The following BCL2L13 variants were observed in gnomAD, a reference collection of about 807,000 sequenced individuals.
BCL2L13 encodes the protein BCL2 like 13, also known as bcl-2-like protein 13.
BCL2L13 carries 13 observed loss-of-function variants against 25.8 expected under a neutral mutation model. The ratio of observed to expected loss-of-function variants is 0.50; its 90% CI spans 0.33 to 0.80. BCL2L13 has a LOEUF of 0.80. Among genes scored for constraint, BCL2L13 ranks in the 30% least tolerant of loss-of-function variants. The probability of loss-of-function intolerance (pLI) is 0.02; values close to 1 mark genes in which losing one functional copy is unlikely to be tolerated. For synonymous variants in BCL2L13, 244 were observed against 230.3 expected (o/e 1.06, Z -0.54); for missense variants, 504 against 574.9 (o/e 0.88, Z 1.26).
chr22:17,726,087 C>T (rs1049646240), intron 6 of BCL2L13, among the ~76,000 whole-genome samples: 16 of 152,208 alleles, frequency 1.1e-4, no homozygotes, highest in Admixed American at 3.3e-4. Flanking sequence ...CAGTGGCTCA[C>T]GCCTGTAATC....
intron 2 of BCL2L13, among the ~76,000 whole-genome samples, chr22:17,668,015 A>AT (rs2059290338): frequency 3.1e-5 from 1 of 31,860 alleles, no homozygotes; most frequent in African/African-American, 1.5e-4. Flanking sequence ...GTAGTTGCCT[A>AT]TTCTTTTTTT....
In BCL2L13 at chr22:17,655,756, A is replaced by G. The variant is rs1263167909; in HGVS notation, c.45A>G (p.Thr15=). 3.1e-6 allele frequency: 5 copies of G among 1,613,776 alleles called. No homozygotes were observed. The highest frequency in any genetic ancestry group is 4.2e-6 in the Non-Finnish European group (5 of 1,179,848). The change falls in exon 2 of 7, where the codon ACA becomes ACG. Residue 15 remains threonine, a synonymous_variant. Coordinates refer to ENST00000317582, the MANE Select transcript of BCL2L13 (RefSeq NM_015367.4). ...STVPLGFHYE[T]KYVVLSYLGL... ...TGCCTCTGGGATTTCACTATGAAAC[A>G]AAGTATGTTGTTCTCAGCTACTTGG...
intron 3 of BCL2L13, chr22:17,684,782 G>T: frequency 2.9e-6 from 1 of 349,796 alleles, no homozygotes; most frequent in Admixed American, 3.8e-5. Flanking sequence ...GCCCAGGCTG[G>T]AGTGCGGTGG....
At chr22:17,679,222 C>G (rs2059660333) in intron 2 of BCL2L13, among the ~76,000 whole-genome samples, 1 of 149,842 alleles carries the variant, frequency 6.7e-6, no homozygotes, top group Non-Finnish European at 1.5e-5. Flanking sequence ...GGCCCATGTC[C>G]TGGGAATGTG....
At chr22:17,675,806 A>G (rs1040666283) in intron 2 of BCL2L13, among the ~76,000 whole-genome samples, 3 of 152,210 alleles carry the variant, frequency 2.0e-5, no homozygotes, top group Non-Finnish European at 4.4e-5. Flanking sequence ...AAATTTAAGC[A>G]ACACATATTA....
At chr22:17,683,010 A>G (rs1013885162) in intron 2 of BCL2L13, among the ~76,000 whole-genome samples, 2 of 152,134 alleles carry the variant, frequency 1.3e-5, no homozygotes, top group East Asian at 3.9e-4. Flanking sequence ...GCAGGCGCCT[A>G]TAATCCCAGT....
chr22:17,694,997 A>G (rs1231216204), intron 4 of BCL2L13, among the ~76,000 whole-genome samples: 1 of 152,160 alleles, frequency 6.6e-6, no homozygotes, highest in East Asian at 1.9e-4. Flanking sequence ...TCACGAGAGA[A>G]AAGTTCCTTT....
rs1170680448 is a variant in BCL2L13, at chr22:17,730,410, G to A, written c.*2876G>A. The A allele has an allele frequency of 6.6e-6, 1 of 152,092 alleles. No individual in the cohort carries two copies. Among genetic ancestry groups the A allele is most frequent in the Non-Finnish European group, 1.5e-5 (1 of 68,020 alleles). The allele number at this position is 152,092 out of a possible 1,614,324, so 9.4% of individuals were successfully genotyped here. A position where few individuals can be genotyped will look rare whatever the true frequency, so the allele number is the denominator to read the frequency against. On this transcript the variant is annotated 3_prime_UTR_variant, in exon 7 of 7. Transcript: ENST00000317582. The stretch of plus-strand genomic sequence containing the variant: ...ATGCAGCCACTACCTAACTAGGCTT[G>A]TCCTGGGGGAGTGAGCCGTGAACCT...
chr22:17,660,357 G>A (rs555296850), intron 2 of BCL2L13, among the ~76,000 whole-genome samples: 1 of 146,446 alleles, frequency 6.8e-6, no homozygotes, highest in African/African-American at 2.4e-5. Context: ...ACCAGTTGAG[G>A]AACTTATTTT....
At chr22:17,642,090 C>T (rs1365454467) in intron 1 of BCL2L13, among the ~76,000 whole-genome samples, 5 of 149,426 alleles carry the variant, frequency 3.3e-5, no homozygotes, top group Non-Finnish European at 5.9e-5. Flanking sequence ...TGTGCCACCG[C>T]GCCTGACCAA....
Position 17,730,321 on chromosome 22 carries a change from C to T in BCL2L13, c.*2787C>T, listed in dbSNP as rs574127567. On this transcript the variant is annotated 3_prime_UTR_variant, in exon 7 of 7. Coordinates refer to ENST00000317582, the MANE Select transcript of BCL2L13 (RefSeq NM_015367.4). The stretch of plus-strand genomic sequence containing the variant: ...GCAACTGTTGACCTTCTGGTTCACC[C>T]ATCTCCCCCTCGAGGCATTCTTGAT... 6.6e-6 allele frequency: 1 copy of T among 152,272 alleles called. No individual in the cohort carries two copies. Among genetic ancestry groups the T allele is most frequent in the South Asian group, 2.1e-4 (1 of 4,822 alleles). 9.4% of individuals were successfully genotyped at this position (152,272 alleles called of 1,614,324 possible).
intron 2 of BCL2L13, among the ~76,000 whole-genome samples, chr22:17,678,132 C>G (rs2059628437): frequency 6.6e-6 from 1 of 152,140 alleles, no homozygotes; most frequent in Admixed American, 6.5e-5. Flanking sequence ...AAGTGATCTT[C>G]ACACATCAGG....
At chr22:17,668,643 T>G (rs1195700798) in intron 2 of BCL2L13, among the ~76,000 whole-genome samples, 1 of 152,034 alleles carries the variant, frequency 6.6e-6, no homozygotes, top group Non-Finnish European at 1.5e-5. Context: ...ATTTTTGTAT[T>G]TTTAGTAGAG....
chr22:17,725,504 C>A (rs1334029841), intron 6 of BCL2L13, among the ~76,000 whole-genome samples: 2 of 152,220 alleles, frequency 1.3e-5, no homozygotes, highest in African/African-American at 4.8e-5. Context: ...CTTTCTCTGA[C>A]CTCTACCCAA....
rs2061380695 is a variant in BCL2L13 at position 17,730,441 on chromosome 22, C to T, written c.*2907C>T. The stretch of plus-strand genomic sequence containing the variant: ...GGGGAGTGAGCCGTGAACCTGGAGA[C>T]ATGGCTTTGACCCACAGCTACTGTT... On this transcript the variant is annotated 3_prime_UTR_variant, in exon 7 of 7. Transcript: ENST00000317582. 1 of 152,210 alleles carries T rather than the reference C, an allele frequency of 6.6e-6. No individual in the cohort carries two copies. The highest frequency in any genetic ancestry group is 2.1e-4 in the South Asian group (1 of 4,828). 9.4% of individuals were successfully genotyped at this position (152,210 alleles called of 1,614,324 possible).
chr22:17,722,378 G>GTGT (rs1491171137), intron 6 of BCL2L13, among the ~76,000 whole-genome samples: 1 of 122,144 alleles, frequency 8.2e-6, no homozygotes, highest in African/African-American at 4.1e-5. Context: ...AGACTACAGG[G>GTGT]GTGTGTGTGT....
rs151332092 is a variant in BCL2L13, at chr22:17,713,240, A to G, written c.600+10854A>G. Among the ~76,000 whole-genome samples the G allele has an allele frequency of 3.6e-3, 553 of 152,274 alleles. 9 individuals are homozygous for G. The highest frequency in any genetic ancestry group is 0.034 in the Admixed American group (514 of 15,308). The stretch of plus-strand genomic sequence containing the variant: ...ATAATCTTACATTTCTCTCTTCAAC[A>G]TAAGAATGTGACTATGAATTGATTA... On this transcript the variant is annotated intron_variant, in intron 6 of 6. Transcript: ENST00000317582.
rs1284074134 is a variant in BCL2L13 at position 17,685,760 on chromosome 22, C to CTTTTTCTTT, written c.229+2444_229+2445insCTTTTTTTT. 5.8e-3 allele frequency among the ~76,000 whole-genome samples: 349 copies of CTTTTTCTTT among 60,678 alleles called. 21 individuals carry two copies. The highest frequency in any genetic ancestry group is 9.1e-3 in the African/African-American group (145 of 15,872). The allele number at this position is 60,678 out of a possible 152,430, so 39.8% of individuals were successfully genotyped here. ...TATTGCCCAATAATTTTTTCTTTTT[C>CTTTTTCTTT]TTTTTTTTTTTTTTTTTTTTTTTTT... On this transcript the variant is annotated intron_variant, in intron 3 of 6. Coordinates refer to ENST00000317582, the MANE Select transcript of BCL2L13 (RefSeq NM_015367.4).
chr22:17,668,045 C>G (rs977096100), intron 2 of BCL2L13, among the ~76,000 whole-genome samples: 1 of 137,438 alleles, frequency 7.3e-6, no homozygotes, highest in African/African-American at 2.8e-5. Context: ...CAGTCTCGCT[C>G]TGTCGCCCAG....
Sources: gnomAD v4.1 joint callset for allele counts (sites outside exome capture counted in the v4.1 genomes callset) on GRCh38, gnomAD v4.1.1 for gene constraint, MANE v1.5 for transcripts, NCBI Gene and HGNC (gene_info 2026-07-23, HGNC 2026-07-21) for gene names.